The following HNF4A variants were observed in gnomAD, a reference collection of about 807,000 sequenced individuals.
HNF4A encodes the protein hepatocyte nuclear factor 4-alpha.
In HNF4A, 15 loss-of-function variants were observed where a neutral mutation model predicts 52.4. That is an observed-to-expected ratio of 0.29 (90% CI 0.19 to 0.44). The LOEUF is 0.44. Ranked by LOEUF, HNF4A falls within the 20% of genes least tolerant of loss-of-function variation. The pLI is 1.00. For synonymous variants in HNF4A, 280 were observed against 264.4 expected, an observed-to-expected ratio of 1.06 and a Z score of -0.57; for missense variants, 479 against 647.2, an observed-to-expected ratio of 0.74 and a Z score of 2.82.
chr20:44,405,578 G>A (rs2063488991), intron 1 of HNF4A, among the ~76,000 whole-genome samples: 1 of 152,156 alleles, frequency 6.6e-6, no homozygotes, highest in African/African-American at 2.4e-5. Context: ...GAGTGTGACT[G>A]TTCTCGGCCC....
chr20:44,371,085 G>C (rs950556501), intron 1 of HNF4A, among the ~76,000 whole-genome samples: 2 of 152,192 alleles, frequency 1.3e-5, no homozygotes, highest in Non-Finnish European at 2.9e-5. Flanking sequence ...AGGGAGGCCT[G>C]GGTGCTCCCC....
intron 1 of HNF4A, among the ~76,000 whole-genome samples, chr20:44,366,648 T>A (rs2062973277): frequency 6.6e-6 from 1 of 152,102 alleles, no homozygotes; most frequent in Non-Finnish European, 1.5e-5. Flanking sequence ...AAAAACAGCA[T>A]ACTTTGTATT....
intron 1 of HNF4A, among the ~76,000 whole-genome samples, chr20:44,366,138 A>G (rs2062967740): frequency 6.6e-6 from 1 of 152,214 alleles, no homozygotes; most frequent in African/African-American, 2.4e-5. Flanking sequence ...ACATTTTAAC[A>G]AAAGAATGAA....
At chr20:44,421,813 G>T (rs1208698535) in intron 7 of HNF4A, among the ~76,000 whole-genome samples, 1 of 145,276 alleles carries the variant, frequency 6.9e-6, no homozygotes, top group Non-Finnish European at 1.5e-5. Context: ...ATAATATATA[G>T]TGATATATAT....
intron 1 of HNF4A, among the ~76,000 whole-genome samples, chr20:44,361,662 A>T (rs969119645): frequency 3.3e-5 from 5 of 152,066 alleles, no homozygotes; most frequent in Admixed American, 2.6e-4. Flanking sequence ...TGGCGACAGG[A>T]GTCAGACTAT....
At chr20:44,388,460 T>G (rs1388200269) in intron 1 of HNF4A, among the ~76,000 whole-genome samples, 1 of 146,662 alleles carries the variant, frequency 6.8e-6, no homozygotes, top group African/African-American at 2.6e-5. Context: ...CCCTGGGAAC[T>G]GGTTTTAAAA....
At chr20:44,423,957 A>G in intron 7 of HNF4A, 61 bp from the exon 8 acceptor site, 2 of 1,546,468 alleles carry the variant, frequency 1.3e-6, no homozygotes, top group Non-Finnish European at 1.8e-6. Context: ...CTGGGTCTTG[A>G]CTCCCCAGAT....
chr20:44,431,936 G>A lies in HNF4A; in HGVS notation c.*2271G>A, dbSNP rs2063882589. On this transcript the variant is annotated 3_prime_UTR_variant, in exon 10 of 10. Transcript: ENST00000316099. ...AGCCCCCAATCCCAGCGGAGACTGT[G>A]CCCTGCTCAGAGCTCCCAAGCCTTC... 1 of 152,356 alleles carries A rather than the reference G, an allele frequency of 6.6e-6. No homozygotes were observed. Among genetic ancestry groups the A allele is most frequent in the Admixed American group, 6.5e-5 (1 of 15,282 alleles). 9.4% of individuals were successfully genotyped at this position (152,356 alleles called of 1,614,324 possible). A position where few individuals can be genotyped will look rare whatever the true frequency, so the allele number is the denominator to read the frequency against.
chr20:44,433,622 A>T (rs1449464341), downstream of HNF4A: 3 of 152,346 alleles, frequency 2.0e-5, no homozygotes, highest in African/African-American at 7.2e-5. Context: ...TCGAGGATGC[A>T]GTGAGCTATG....
intron 1 of HNF4A, among the ~76,000 whole-genome samples, chr20:44,401,717 C>T (rs544051669): frequency 1.3e-5 from 2 of 152,380 alleles, no homozygotes; most frequent in East Asian, 1.9e-4. Flanking sequence ...CAGCAAAAGT[C>T]GATCCCGGCT....
intron 1 of HNF4A, among the ~76,000 whole-genome samples, chr20:44,369,857 T>C (rs994182367): frequency 1.3e-5 from 2 of 152,022 alleles, no homozygotes; most frequent in Non-Finnish European, 2.9e-5. Context: ...GGTCTCAAAC[T>C]CCTGACCTCA....
chr20:44,407,757 T>TTGTGTGTATGTGTGTG (rs1555813816), intron 3 of HNF4A, among the ~76,000 whole-genome samples: 1 of 145,846 alleles, frequency 6.9e-6, no homozygotes, highest in African/African-American at 2.6e-5. Flanking sequence ...AGCAGCCACG[T>TTGTGTGTATGTGTGTG]TGTGTGTGTG....
In HNF4A at chr20:44,355,873, G is replaced by T; in HGVS notation, c.49+20G>T. 1 of 1,607,500 alleles carries T rather than the reference G, an allele frequency of 6.2e-7. No individual in the cohort carries two copies. Reference sequence around the variant, plus strand: ...CTTACGGTAAGTGGGGCTGGGGGAAGACTGGACAGGGCGGGACTGCGGTCA... The same window carrying T: ...CTTACGGTAAGTGGGGCTGGGGGAATACTGGACAGGGCGGGACTGCGGTCA... On this transcript the variant is annotated intron_variant, in intron 1 of 9. Transcript: ENST00000316673.
At position 44,429,731 on chromosome 20, in the gene HNF4A, A is replaced by G. The variant is rs1339220813; in HGVS notation, c.*66A>G. ...CCCCCTAAGAGAGCACCTGGTGATC[A>G]CGTGGTCACGGCAAAGGAAGACGTG... is the stretch of plus-strand genomic sequence containing the variant. On this transcript the variant is annotated 3_prime_UTR_variant, in exon 10 of 10. Transcript: ENST00000316099. The G allele has an allele frequency of 3.3e-6, 5 of 1,519,130 alleles. No individual in the cohort carries two copies. The highest frequency in any genetic ancestry group is 2.7e-6 in the Non-Finnish European group (3 of 1,095,810). 94.1% of individuals were successfully genotyped at this position (1,519,130 alleles called of 1,614,324 possible). A position where few individuals can be genotyped will look rare whatever the true frequency, so the allele number is the denominator to read the frequency against.
At chr20:44,418,535 C>A in intron 6 of HNF4A, 23 bp downstream of exon 6, 2 of 1,551,838 alleles carry the variant, frequency 1.3e-6, no homozygotes, top group Non-Finnish European at 1.8e-6. Context: ...CCTGCCCTGG[C>A]CAGGGCTCCA....
chr20:44,404,545 GTA>G (rs1480720259), intron 1 of HNF4A, among the ~76,000 whole-genome samples: 2 of 151,416 alleles, frequency 1.3e-5, no homozygotes, highest in African/African-American at 4.9e-5. Flanking sequence ...GTGTGTATGT[GTA>G]TGTATATGTG....
chr20:44,406,920 G>A (rs2063508514), intron 2 of HNF4A, among the ~76,000 whole-genome samples: 1 of 152,194 alleles, frequency 6.6e-6, no homozygotes, highest in African/African-American at 2.4e-5. Context: ...GGCAGAGCCA[G>A]GGTTAACATT....
chr20:44,356,883 G>A (rs1017360332), intron 1 of HNF4A, among the ~76,000 whole-genome samples: 1 of 152,126 alleles, frequency 6.6e-6, no homozygotes, highest in African/African-American at 2.4e-5. Flanking sequence ...AGCAGACCTC[G>A]GGGTCTAGTT....
chr20:44,398,497 T>G (rs562885757), upstream of HNF4A, among the ~76,000 whole-genome samples: 3 of 152,354 alleles, frequency 2.0e-5, no homozygotes, highest in African/African-American at 7.2e-5. Flanking sequence ...TGGTGCGTCA[T>G]TTATATGAGG....
Sources: allele counts gnomAD v4.1 joint callset (sites outside exome capture counted in the v4.1 genomes callset), GRCh38; gene constraint gnomAD v4.1.1; transcripts MANE v1.5; gene names NCBI Gene and HGNC (gene_info 2026-07-23, HGNC 2026-07-21).